The following CDH23 variants were observed in gnomAD, a reference collection of about 807,000 sequenced individuals.
CDH23 encodes cadherin-23.
A neutral mutation model predicts 317.1 loss-of-function variants in CDH23; 189 were observed. The ratio of observed to expected loss-of-function variants is 0.60; its 90% CI spans 0.53 to 0.67. The LOEUF is 0.67. Among genes scored for constraint, CDH23 ranks in the 30% least tolerant of loss-of-function variants. The pLI, the probability that CDH23 is intolerant of heterozygous loss-of-function variation, is 0.00. For synonymous variants in CDH23, 1,839 were observed against 1,876.8 expected (o/e 0.98, Z 0.52); for missense variants, 4,401 against 4,592.4 (o/e 0.96, Z 1.20).
intron 7 of CDH23, 90 bp from the exon 8 acceptor site, chr10:71,570,700 C>A: frequency 6.9e-7 from 1 of 1,446,642 alleles, no homozygotes; most frequent in Non-Finnish European, 9.4e-7. Flanking sequence ...ATGTGCTGCA[C>A]GGTGCAGGTC....
chr10:71,541,103 G>A (rs1270254144), intron 6 of CDH23, among the ~76,000 whole-genome samples: 2 of 152,022 alleles, frequency 1.3e-5, no homozygotes, highest in Non-Finnish European at 2.9e-5. Context: ...TCATGCAGCT[G>A]ATGGCCCCCC....
chr10:71,782,461 C>T (rs1365943687), intron 41 of CDH23, among the ~76,000 whole-genome samples: 1 of 152,266 alleles, frequency 6.6e-6, no homozygotes, highest in African/African-American at 2.4e-5. Context: ...CCCAAGGGCA[C>T]ACAGGCATGA....
intron 3 of CDH23, among the ~76,000 whole-genome samples, chr10:71,474,744 T>C (rs1851700891): frequency 6.6e-6 from 1 of 152,242 alleles, no homozygotes; most frequent in African/African-American, 2.4e-5. Flanking sequence ...TAAGAGAACT[T>C]ACTTGTCCTT....
At chr10:71,791,975 A>G (rs1006645865) in intron 47 of CDH23, among the ~76,000 whole-genome samples, 1 of 152,240 alleles carries the variant, frequency 6.6e-6, no homozygotes, top group East Asian at 1.9e-4. Context: ...AAAATCAAAT[A>G]TAACTTCTGG....
chr10:71,531,124 G>C (rs957983819), intron 6 of CDH23, among the ~76,000 whole-genome samples: 3 of 152,220 alleles, frequency 2.0e-5, no homozygotes, highest in African/African-American at 7.2e-5. Flanking sequence ...TAGGGTCTAT[G>C]ACAGTTCACC....
chr10:71,694,024 A>C, intron 20 of CDH23, 123 bp from the exon 21 acceptor site: 1 of 777,418 alleles, frequency 1.3e-6, no homozygotes, highest in Non-Finnish European at 2.2e-6. Context: ...AGATCATGGT[A>C]GCTTGCTAAC....
chr10:71,465,269 T>C (rs996744038), intron 3 of CDH23, among the ~76,000 whole-genome samples: 2 of 152,234 alleles, frequency 1.3e-5, no homozygotes, highest in Admixed American at 1.3e-4. Flanking sequence ...TATAGAGTTG[T>C]ATTTTATAAA....
At chr10:71,776,372 T>A (rs1473511503) in intron 38 of CDH23, among the ~76,000 whole-genome samples, 2 of 152,218 alleles carry the variant, frequency 1.3e-5, no homozygotes, top group Admixed American at 6.5e-5. Context: ...GCAAATTGCC[T>A]ACATTGAGTT....
intron 20 of CDH23, 23 bp downstream of exon 20, chr10:71,690,607 C>T (rs905404936): frequency 6.6e-7 from 1 of 1,504,422 alleles, no homozygotes; most frequent in Non-Finnish European, 9.1e-7. Flanking sequence ...ACCCCAAGTA[C>T]CCTGGTCCTC....
At position 71,778,863 on chromosome 10, in the gene CDH23, T is replaced by C. The variant is rs373369145; in HGVS notation, c.5188-404T>C. Among the ~76,000 whole-genome samples the C allele has an allele frequency of 7.8e-4, 118 of 152,182 alleles. 1 individual carries two copies. Among genetic ancestry groups the C allele is most frequent in the African/African-American group, 2.7e-3 (113 of 41,502 alleles). ...CTCGACCTCCTGGACTCAAGAGCAA[T>C]CCTCCCACCTCAGCCTCCCAAGTAG... On this transcript the variant is annotated intron_variant, in intron 40 of 69. Transcript: ENST00000224721.
chr10:71,454,901 G>A (rs10823758), intron 3 of CDH23, among the ~76,000 whole-genome samples: 31,208 of 149,342 alleles, frequency 0.21, 3,811 homozygotes, highest in African/African-American at 0.33. Context: ...GTGCAGTGGC[G>A]CAATCATGGC....
intron 9 of CDH23, among the ~76,000 whole-genome samples, chr10:71,608,879 G>A (rs986578908): frequency 6.6e-6 from 1 of 152,200 alleles, no homozygotes; most frequent in Non-Finnish European, 1.5e-5. Context: ...GGAGCCTTAG[G>A]CTTTCCTTTA....
chr10:71,747,690 A>C (rs999172509), intron 38 of CDH23: 3 of 152,288 alleles, frequency 2.0e-5, no homozygotes, highest in Non-Finnish European at 4.4e-5. Context: ...AACAAGTTAC[A>C]ACACATGTGA....
chr10:71,528,900 A>G (rs1328368448), intron 6 of CDH23, among the ~76,000 whole-genome samples: 64 of 152,294 alleles, frequency 4.2e-4, no homozygotes. Context: ...GGGGCACTGC[A>G]CTAAAACCAG....
Position 71,566,809 on chromosome 10 carries a change from G to C in CDH23, c.497G>C (p.Ser166Thr), listed in dbSNP as rs761539547. Residue 166 changes from serine (S) to threonine (T), a missense_variant, in exon 7 of 70, where the codon AGC becomes ACC. Ser to Thr is a moderately conservative substitution (Grantham distance 58). Coordinates refer to ENST00000224721, the MANE Select transcript of CDH23 (RefSeq NM_022124.6). ...ATDPDLGAGGSVLYSFQPPSQ... is the reference protein window; with the variant it reads ...ATDPDLGAGGTVLYSFQPPSQ... ...GACCCCGACTTGGGGGCAGGGGGCA[G>C]CGTCCTCTACTCCTTCCAGCCCCCC... The C allele has an allele frequency of 6.2e-7, 1 of 1,613,726 alleles. No individual in the cohort carries two copies. The highest frequency in any genetic ancestry group is 1.1e-5 in the South Asian group (1 of 91,078).
intron 3 of CDH23, among the ~76,000 whole-genome samples, chr10:71,496,583 C>T (rs1852984912): frequency 6.6e-6 from 1 of 152,254 alleles, no homozygotes; most frequent in Non-Finnish European, 1.5e-5. Context: ...GGGATGCAGA[C>T]ACCAGTATTG....
chr10:71,791,823 G>A (rs12247260), intron 47 of CDH23, among the ~76,000 whole-genome samples: 1 of 151,950 alleles, frequency 6.6e-6, no homozygotes, highest in African/African-American at 2.4e-5. Context: ...TGATCCACTC[G>A]CCTCAGCCTC....
chr10:71,641,211 C>T (rs1862533592), intron 11 of CDH23, among the ~76,000 whole-genome samples: 1 of 152,200 alleles, frequency 6.6e-6, no homozygotes, highest in Admixed American at 6.5e-5. Context: ...GTGTGGTTCC[C>T]TGGGGAGCAC....
chr10:71,722,346 T>A (rs1041785766), intron 28 of CDH23, among the ~76,000 whole-genome samples: 1 of 152,066 alleles, frequency 6.6e-6, no homozygotes, highest in African/African-American at 2.4e-5. Flanking sequence ...CCCTACAGGA[T>A]CAAAGGAAAA....
Sources: gnomAD v4.1 joint callset for allele counts (sites outside exome capture counted in the v4.1 genomes callset) on GRCh38, gnomAD v4.1.1 for gene constraint, MANE v1.5 for transcripts, NCBI Gene and HGNC (gene_info 2026-07-23, HGNC 2026-07-21) for gene names.